CFAP299: variants seen among roughly 807,000 people sequenced by gnomAD.
CFAP299 encodes the protein cilia- and flagella-associated protein 299.
CFAP299 carries 21 observed loss-of-function variants against 27.0 expected under a neutral mutation model. That is an observed-to-expected ratio of 0.78 (90% CI 0.55 to 1.12). The LOEUF (loss-of-function observed/expected upper bound fraction) is 1.12. Ranked by LOEUF, CFAP299 falls within the 50% of genes most tolerant of loss-of-function variation. CFAP299 has a pLI of 0.00. For missense variants in CFAP299, 310 were observed against 276.6 expected (o/e 1.12, Z -0.86); for synonymous variants, 104 against 98.1 (o/e 1.06, Z -0.36).
At chr4:80,333,800 A>G (rs1722025456), upstream of CFAP299, among the ~76,000 whole-genome samples, 1 of 152,164 alleles carries the variant, frequency 6.6e-6, no homozygotes, top group Admixed American at 6.5e-5. Flanking sequence ...TTGGACTTGA[A>G]GTAGGAATGC....
At position 80,663,588 on chromosome 4, in the gene CFAP299, A is replaced by G. The variant is rs556755101; in HGVS notation, c.333+80405A>G. Among the ~76,000 whole-genome samples the G allele has an allele frequency of 1.1e-4, 17 of 152,336 alleles. No individual in the cohort carries two copies. In the South Asian group the frequency reaches 1.7e-3, roughly 15 times the overall value. On this transcript the variant is annotated intron_variant, in intron 3 of 5. Transcript: ENST00000358105. ...CTTTGCTATGGTGAACAGTGCTGCAATAGACATACGTGTGCATGTGTCCTT... is the reference window on the plus strand; with the variant it reads ...CTTTGCTATGGTGAACAGTGCTGCAGTAGACATACGTGTGCATGTGTCCTT...
chr4:80,780,520 G>A (rs945804485), intron 3 of CFAP299, among the ~76,000 whole-genome samples: 3 of 152,038 alleles, frequency 2.0e-5, no homozygotes, highest in South Asian at 2.1e-4. Context: ...TAGAAATTAC[G>A]TGATGTCCTC....
rs992497554 is a variant in CFAP299, at chr4:80,387,373, G to A, written c.242+24489G>A. Reference sequence around the variant, plus strand: ...CCTGCTCGTTCTTATGCTGGGTCATGTGAGACTTGAGCTGGAAATAGGTGC... The same window carrying A: ...CCTGCTCGTTCTTATGCTGGGTCATATGAGACTTGAGCTGGAAATAGGTGC... On this transcript the variant is annotated intron_variant, in intron 2 of 5. Coordinates refer to ENST00000358105, the MANE Select transcript of CFAP299 (RefSeq NM_152770.3). The A allele has an allele frequency of 5.4e-6, 7 of 1,285,338 alleles. No individual in the cohort carries two copies. The African/African-American group carries it at 5.8e-5, about 11-fold the overall frequency. 79.6% of individuals were successfully genotyped at this position (1,285,338 alleles called of 1,614,324 possible). A position where few individuals can be genotyped will look rare whatever the true frequency, so the allele number is the denominator to read the frequency against.
In CFAP299 at chr4:80,948,087, C is replaced by A. The variant is rs73831221; in HGVS notation, c.606+3148C>A. ...TCTCCTTTTCTTCTCCTTCATGTAC[C>A]CTCTTTGAAATACTTTATGCTTAAA... On this transcript the variant is annotated intron_variant, in intron 5 of 5. Coordinates refer to ENST00000358105, the MANE Select transcript of CFAP299 (RefSeq NM_152770.3). Among the ~76,000 whole-genome samples, 1,129 of 152,058 alleles carry A rather than the reference C, an allele frequency of 7.4e-3. 16 individuals are homozygous for A. Among genetic ancestry groups the A allele is most frequent in the African/African-American group, 0.026 (1,083 of 41,490 alleles).
chr4:80,402,263 G>A (rs1187576455), intron 2 of CFAP299, among the ~76,000 whole-genome samples: 1 of 152,054 alleles, frequency 6.6e-6, no homozygotes, highest in Non-Finnish European at 1.5e-5. Flanking sequence ...AGATTTGGAG[G>A]GGCCAGGGGT....
At chr4:80,513,156 A>T (rs1200427408) in intron 2 of CFAP299, among the ~76,000 whole-genome samples, 1 of 152,118 alleles carries the variant, frequency 6.6e-6, no homozygotes, top group Non-Finnish European at 1.5e-5. Context: ...AACTCATAAC[A>T]CTCTTTTACT....
intron 2 of CFAP299, among the ~76,000 whole-genome samples, chr4:80,547,193 G>C (rs1054147468): frequency 6.6e-6 from 1 of 151,946 alleles, no homozygotes. Flanking sequence ...CAGACCAATG[G>C]AAAAGGATAG....
chr4:80,629,266 TC>T (rs1739081767), intron 3 of CFAP299, among the ~76,000 whole-genome samples: 1 of 151,998 alleles, frequency 6.6e-6, no homozygotes, highest in South Asian at 2.1e-4. Context: ...AAAGTTAAAC[TC>T]ACAGAAGTAG....
At chr4:80,374,979 C>T (rs555419130) in intron 2 of CFAP299, among the ~76,000 whole-genome samples, 108 of 152,050 alleles carry the variant, frequency 7.1e-4, no homozygotes, top group Non-Finnish European at 1.3e-3. Flanking sequence ...GACTTGCCCA[C>T]TTCATGAAAT....
At chr4:80,831,634 T>G (rs1289113793) in intron 3 of CFAP299, among the ~76,000 whole-genome samples, 1 of 152,154 alleles carries the variant, frequency 6.6e-6, no homozygotes, top group African/African-American at 2.4e-5. Context: ...GAAACTGCAT[T>G]TTAACTCTCA....
intron 2 of CFAP299, among the ~76,000 whole-genome samples, chr4:80,546,568 T>TCC (rs1249760832): frequency 6.6e-6 from 1 of 152,158 alleles, no homozygotes; most frequent in Non-Finnish European, 1.5e-5. Context: ...TGAAATGTAA[T>TCC]CCCCAATGTT....
At chr4:80,387,496 C>A in intron 2 of CFAP299, 2 of 818,178 alleles carry the variant, frequency 2.4e-6, no homozygotes, top group Non-Finnish European at 2.1e-6. Flanking sequence ...GGCTGTGGGC[C>A]AGGCCTGGAG....
At chr4:80,847,609 G>T (rs531139489) in intron 3 of CFAP299, among the ~76,000 whole-genome samples, 23 of 152,260 alleles carry the variant, frequency 1.5e-4, no homozygotes, top group Admixed American at 4.6e-4. Context: ...CTAACTACGT[G>T]ACCCTAGGCC....
chr4:80,338,515 A>G (rs1323379632), intron 1 of CFAP299, among the ~76,000 whole-genome samples: 1 of 152,166 alleles, frequency 6.6e-6, no homozygotes, highest in African/African-American at 2.4e-5. Flanking sequence ...ATCAACTTGA[A>G]ATTCCATTTT....
At chr4:80,828,378 A>C (rs1730104809) in intron 3 of CFAP299, among the ~76,000 whole-genome samples, 1 of 152,078 alleles carries the variant, frequency 6.6e-6, no homozygotes, top group South Asian at 2.1e-4. Flanking sequence ...TCGAAAAATA[A>C]ACCTTCGCCT....
At position 80,674,508 on chromosome 4, in the gene CFAP299, G is replaced by A. The variant is rs189109848; in HGVS notation, c.333+91325G>A. ...TCTGACAATTATGTGTCTTGGGGTT[G>A]CTCTTCTCGAGGAGTATCTTTGTGG... On this transcript the variant is annotated intron_variant, in intron 3 of 5. Transcript: ENST00000358105. 3.0e-4 allele frequency among the ~76,000 whole-genome samples: 45 copies of A among 152,194 alleles called. No individual in the cohort carries two copies. The East Asian group carries it at 8.7e-3, about 29-fold the overall frequency.
chr4:80,844,678 CA>C (rs1442266307), intron 3 of CFAP299, among the ~76,000 whole-genome samples: 1 of 152,098 alleles, frequency 6.6e-6, no homozygotes, highest in East Asian at 1.9e-4. Context: ...GAGTAGATTG[CA>C]AAAATTTTCT....
At chr4:80,387,011 A>C in intron 2 of CFAP299, 1 of 1,211,086 alleles carries the variant, frequency 8.3e-7, no homozygotes, top group Non-Finnish European at 1.2e-6. Context: ...GGGTTGGCAG[A>C]TGACGCTGCA....
chr4:80,497,959 C>T (rs975244965), intron 2 of CFAP299, among the ~76,000 whole-genome samples: 1 of 152,006 alleles, frequency 6.6e-6, no homozygotes, highest in African/African-American at 2.4e-5. Flanking sequence ...AAGCCATACA[C>T]CTATAACCAT....
Sources: gnomAD v4.1 joint callset for allele counts (sites outside exome capture counted in the v4.1 genomes callset) on GRCh38, gnomAD v4.1.1 for gene constraint, MANE v1.5 for transcripts, NCBI Gene and HGNC (gene_info 2026-07-23, HGNC 2026-07-21) for gene names.